Variants in C16orf90 observed in about 807,000 individuals in gnomAD.
C16orf90 encodes uncharacterized protein C16orf90.
A neutral mutation model predicts 17.1 loss-of-function variants in C16orf90; 17 were observed. The observed-to-expected ratio is 1.00, with a 90% CI of 0.68 to 1.49. The LOEUF is 1.49. Ranked by LOEUF, C16orf90 falls within the 40% of genes most tolerant of loss-of-function variation. C16orf90 has a pLI of 0.00. For missense variants in C16orf90, 255 were observed against 235.5 expected (o/e 1.08, Z -0.54); for synonymous variants, 108 against 95.8 (o/e 1.13, Z -0.75).
At chr16:3,494,061 C>G in intron 2 of C16orf90, 74 bp from the exon 3 acceptor site, 1 of 1,339,010 alleles carries the variant, frequency 7.5e-7, no homozygotes, top group Non-Finnish European at 1.0e-6. Context: ...GCAGCCCACC[C>G]TGGGGTTTCC....
At chr16:3,495,287 C>T in intron 1 of C16orf90, 89 bp downstream of exon 1, 1 of 1,453,630 alleles carries the variant, frequency 6.9e-7, no homozygotes, top group Non-Finnish European at 9.5e-7. Context: ...CCCAAGCATA[C>T]ATGTCCCTGA....
upstream of C16orf90, among the ~76,000 whole-genome samples, chr16:3,495,824 G>T (rs1346657386): frequency 3.9e-5 from 6 of 152,140 alleles, no homozygotes; most frequent in African/African-American, 1.4e-4. Context: ...GCTGAAAAGG[G>T]GCTGGGGGCG....
rs750995800 is a variant in C16orf90, at chr16:3,493,791, C to T, written c.*48G>A. On this transcript the variant is annotated 3_prime_UTR_variant, in exon 3 of 3. Transcript: ENST00000437192. ...CGAGCCCCTCCTGCTCAGGCTGCCT[C>T]CTCGGCCATCCTGCCCCTCCTGTAC... is the stretch of plus-strand genomic sequence containing the variant. 12 of 1,538,592 alleles carry T rather than the reference C, an allele frequency of 7.8e-6. No individual in the cohort carries two copies. Among genetic ancestry groups the T allele is most frequent in the African/African-American group, 1.4e-5 (1 of 73,006 alleles).
rs1382535963 is a variant in C16orf90, at chr16:3,494,000, G to A, written c.401-13C>T. The A allele has an allele frequency of 6.3e-7, 1 of 1,599,548 alleles. No individual in the cohort carries two copies. Among genetic ancestry groups the A allele is most frequent in the Non-Finnish European group, 8.5e-7 (1 of 1,170,596 alleles). ...CTGGAACTGGAAGCTGAGGAAAGAG[G>A]AGAGAAAGGAGTCACTTGAGGGACC... On this transcript the variant is annotated splice_polypyrimidine_tract_variant and intron_variant, in intron 2 of 2. Coordinates refer to ENST00000437192, the MANE Select transcript of C16orf90 (RefSeq NM_001080524.2).
upstream of C16orf90, chr16:3,496,638 G>C: frequency 1.9e-6 from 1 of 533,150 alleles, no homozygotes; most frequent in Admixed American, 2.0e-5. Flanking sequence ...CTTCGCAAGG[G>C]CCGACAGGTG....
chr16:3,494,689 A>T lies in C16orf90; in HGVS notation c.235T>A (p.Cys79Ser). The T allele has an allele frequency of 6.2e-7, 1 of 1,610,982 alleles. No individual in the cohort carries two copies. The highest frequency in any genetic ancestry group is 8.5e-7 in the Non-Finnish European group (1 of 1,179,482). ...LESHPPPTGQCESHWLGRLMA... is the reference protein window; with the variant it reads ...LESHPPPTGQSESHWLGRLMA... ...AGCCGGCCCAGCCAGTGGCTCTCACACTGGCCAGTGGGTGGCGGGTGGCTC... is the reference window on the plus strand; with the variant it reads ...AGCCGGCCCAGCCAGTGGCTCTCACTCTGGCCAGTGGGTGGCGGGTGGCTC... The change falls in exon 2 of 3, where the codon TGT becomes AGT. Residue 79 changes from cysteine to serine, a missense_variant. Physicochemically the swap from Cys to Ser is moderately radical, Grantham distance 112 (BLOSUM62 -1). Coordinates refer to ENST00000437192, the MANE Select transcript of C16orf90 (RefSeq NM_001080524.2).
At chr16:3,496,553 G>A, upstream of C16orf90, 1 of 548,314 alleles carries the variant, frequency 1.8e-6, no homozygotes. Flanking sequence ...CCTCAGGGTG[G>A]GGGCCAAGAT....
In C16orf90 at chr16:3,493,526, C is replaced by T. The variant is rs551507734; in HGVS notation, c.*313G>A. 619 of 251,050 alleles carry T rather than the reference C, an allele frequency of 2.5e-3. 6 individuals carry two copies. Among genetic ancestry groups the T allele is most frequent in the African/African-American group, 0.012 (572 of 46,304 alleles). The allele number at this position is 251,050 out of a possible 1,614,324, so 15.6% of individuals were successfully genotyped here. A position where few individuals can be genotyped will look rare whatever the true frequency, so the allele number is the denominator to read the frequency against. On this transcript the variant is annotated 3_prime_UTR_variant, in exon 3 of 3. Coordinates refer to ENST00000437192, the MANE Select transcript of C16orf90 (RefSeq NM_001080524.2). ...ATTGAGATCAGAGCTGTGGGCTCCC[C>T]GGCCTCTCAGGGAGGCGGTGGCGGG...
chr16:3,494,384 C>G lies in C16orf90; in HGVS notation c.400+140G>C, dbSNP rs149991745. 19 of 705,686 alleles carry G rather than the reference C, an allele frequency of 2.7e-5. No homozygotes were observed. The East Asian group carries it at 3.8e-4, about 14-fold the overall frequency. 43.7% of individuals were successfully genotyped at this position (705,686 alleles called of 1,614,324 possible). On this transcript the variant is annotated intron_variant, in intron 2 of 2. Transcript: ENST00000437192. ...GCTGTGCGTGATGCAGAGATGGGGA[C>G]AGATTCATCAAGATCTTGGCCTTCT...
In C16orf90 at chr16:3,494,750, C is replaced by T. The variant is rs2037282271; in HGVS notation, c.174G>A (p.Arg58=). 2 of 1,603,680 alleles carry T rather than the reference C, an allele frequency of 1.2e-6. No homozygotes were observed. Among genetic ancestry groups the T allele is most frequent in the East Asian group, 2.2e-5 (1 of 44,732 alleles). ...SAQGSKPKNF[R]LRHLRGLGLY... ...GGCCCAGGCCCCGGAGGTGGCGCAG[C>T]CGGAAGTTCTTGGGCTTGCTTCCCT... Residue 58 remains arginine (R), a synonymous_variant, in exon 2 of 3, where the codon CGG becomes CGA. Transcript: ENST00000437192.
Position 3,493,730 on chromosome 16 carries a change from TGGGCCACCCCATGTGGCA to T in C16orf90, c.*91_*108del, listed in dbSNP as rs2037261433. 1.8e-6 allele frequency: 2 copies of T among 1,140,460 alleles called. No homozygotes were observed. The highest frequency in any genetic ancestry group is 5.3e-5 in the Admixed American group (2 of 37,530). 70.6% of individuals were successfully genotyped at this position (1,140,460 alleles called of 1,614,324 possible). On this transcript the variant is annotated 3_prime_UTR_variant, in exon 3 of 3. Transcript: ENST00000437192. Reference sequence around the variant, plus strand: ...CAGGCCTGGGCGCTGGGCCGCTGCCTGGGCCACCCCATGTGGCAGGGCCACTGCCGGGGGCCGAGCCCC... The same window carrying T: ...CAGGCCTGGGCGCTGGGCCGCTGCCTGGGCCACTGCCGGGGGCCGAGCCCC...
upstream of C16orf90, among the ~76,000 whole-genome samples, chr16:3,495,834 G>T (rs533038613): frequency 2.0e-5 from 3 of 152,248 alleles, no homozygotes; most frequent in African/African-American, 7.2e-5. Flanking sequence ...GGCTGGGGGC[G>T]GTGGCTCATG....
At chr16:3,496,504 T>G (rs918417035), upstream of C16orf90, 30 of 615,164 alleles carry the variant, frequency 4.9e-5, no homozygotes, top group South Asian at 3.7e-4. Flanking sequence ...AAACTTAAGG[T>G]GTGTGCGCTG....
At chr16:3,495,841 C>G (rs1030603624), upstream of C16orf90, among the ~76,000 whole-genome samples, 2 of 152,144 alleles carry the variant, frequency 1.3e-5, no homozygotes, top group Non-Finnish European at 2.9e-5. Context: ...GGCGGTGGCT[C>G]ATGCCTGTAA....
upstream of C16orf90, chr16:3,496,134 C>A: frequency 2.6e-6 from 1 of 387,816 alleles, no homozygotes; most frequent in Non-Finnish European, 4.9e-6. Context: ...GAGCGAGACT[C>A]CGTCTCAAAA....
upstream of C16orf90, chr16:3,496,401 T>G (rs530870323): frequency 2.1e-5 from 24 of 1,142,110 alleles, no homozygotes; most frequent in South Asian, 2.9e-4. Context: ...GTTTCCCGGA[T>G]GATCCGGAAG....
intron 2 of C16orf90, among the ~76,000 whole-genome samples, chr16:3,494,318 C>T (rs1188474893): frequency 6.6e-6 from 1 of 152,068 alleles, no homozygotes; most frequent in Non-Finnish European, 1.5e-5. Context: ...CCCTTTTTCT[C>T]GCACCGCTTT....
chr16:3,495,909 G>A (rs2037302173), upstream of C16orf90, among the ~76,000 whole-genome samples: 2 of 152,128 alleles, frequency 1.3e-5, no homozygotes, highest in Admixed American at 6.5e-5. Flanking sequence ...GGGAGGCCGG[G>A]GTGGGCGGAT....
upstream of C16orf90, chr16:3,495,536 T>C: frequency 2.6e-6 from 4 of 1,522,476 alleles, no homozygotes; most frequent in Admixed American, 2.0e-5. Flanking sequence ...TCTTATGACA[T>C]CACGGGGAAG....
Sources: allele counts gnomAD v4.1 joint callset (sites outside exome capture counted in the v4.1 genomes callset), GRCh38; gene constraint gnomAD v4.1.1; transcripts MANE v1.5; gene names NCBI Gene and HGNC (gene_info 2026-07-23, HGNC 2026-07-21).